Variants in MYO1E observed in about 807,000 individuals in gnomAD.
The protein encoded by MYO1E is unconventional myosin-Ie.
In MYO1E, 68 loss-of-function variants were observed where a neutral mutation model predicts 151.1. The ratio of observed to expected loss-of-function variants is 0.45; its 90% CI spans 0.37 to 0.55. The LOEUF (loss-of-function observed/expected upper bound fraction) is 0.55, where lower values mean the gene tolerates loss of function less well. Among genes scored for constraint, MYO1E ranks in the 20% least tolerant of loss-of-function variants. MYO1E has a pLI of 0.00. For synonymous variants in MYO1E, 601 were observed against 501.7 expected (o/e 1.20, Z -2.64); for missense variants, 1,363 against 1,389.3 (o/e 0.98, Z 0.30).
intron 25 of MYO1E, among the ~76,000 whole-genome samples, chr15:59,155,740 G>A (rs1319629108): frequency 1.3e-5 from 2 of 152,154 alleles, no homozygotes; most frequent in East Asian, 3.8e-4. Context: ...ACAGAGCCGG[G>A]TCAAGGCAGG....
rs573037662 is a variant in MYO1E, at chr15:59,319,763, C to T, written c.4-47314G>A. On this transcript the variant is annotated intron_variant, in intron 1 of 27. Coordinates refer to ENST00000288235, the MANE Select transcript of MYO1E (RefSeq NM_004998.4). ...TACTAAAAATAAAAAATTAGCCGGGCATGGGGGCATATGCCTGTAATCCCA... is the reference window on the plus strand; with the variant it reads ...TACTAAAAATAAAAAATTAGCCGGGTATGGGGGCATATGCCTGTAATCCCA... Among the ~76,000 whole-genome samples, 32 of 151,722 alleles carry T rather than the reference C, an allele frequency of 2.1e-4. No homozygotes were observed. In the South Asian group the frequency reaches 6.7e-3, roughly 32 times the overall value.
In MYO1E at chr15:59,283,926, ACAC is replaced by A. The variant is rs151257795; in HGVS notation, c.4-11480_4-11478del. On this transcript the variant is annotated intron_variant, in intron 1 of 27. Transcript: ENST00000288235. ...ATCAACTTCTTTCATCTGCCCAATG[ACAC>A]CACCAAGTACTTGTATTATCCTTTT... 7.4e-3 allele frequency among the ~76,000 whole-genome samples: 1,133 copies of A among 152,372 alleles called. 8 individuals are homozygous for A. The highest frequency in any genetic ancestry group is 0.026 in the African/African-American group (1,072 of 41,582).
chr15:59,189,318 C>CA (rs751706921), intron 17 of MYO1E, among the ~76,000 whole-genome samples: 3 of 152,140 alleles, frequency 2.0e-5, no homozygotes, highest in Non-Finnish European at 2.9e-5. Flanking sequence ...TTTAGCCTCC[C>CA]AAAGTTCTGG....
At chr15:59,348,406 G>A (rs1419265694) in intron 1 of MYO1E, among the ~76,000 whole-genome samples, 2 of 152,146 alleles carry the variant, frequency 1.3e-5, no homozygotes, top group Non-Finnish European at 2.9e-5. Flanking sequence ...TCAAATTATG[G>A]CATAGCCCAC....
At chr15:59,337,689 G>A (rs577680931) in intron 1 of MYO1E, among the ~76,000 whole-genome samples, 11 of 152,154 alleles carry the variant, frequency 7.2e-5, no homozygotes, top group South Asian at 2.1e-4. Context: ...AAAATTAGCC[G>A]GGCGTGGTGG....
Position 59,324,567 on chromosome 15 carries a change from G to A in MYO1E, c.3+47931C>T, listed in dbSNP as rs183869539. Among the ~76,000 whole-genome samples the A allele has an allele frequency of 2.0e-5, 3 of 152,216 alleles. No individual in the cohort carries two copies. The East Asian group carries it at 5.8e-4, about 29-fold the overall frequency. On this transcript the variant is annotated intron_variant, in intron 1 of 27. Coordinates refer to ENST00000288235, the MANE Select transcript of MYO1E (RefSeq NM_004998.4). ...AGAAGAAGCACACCTCAGAGATGCT[G>A]CCAGATAGAGCTCCTCAAGTTCAAG...
At chr15:59,237,986 G>T (rs2080077115) in intron 4 of MYO1E, among the ~76,000 whole-genome samples, 1 of 152,166 alleles carries the variant, frequency 6.6e-6, no homozygotes, top group Non-Finnish European at 1.5e-5. Flanking sequence ...ACCTGCAAAA[G>T]TCTGAACCCA....
At chr15:59,236,749 A>AACAC (rs2080069232) in intron 4 of MYO1E, 77 bp from the exon 5 acceptor site, 1 of 1,299,746 alleles carries the variant, frequency 7.7e-7, no homozygotes, top group East Asian at 2.3e-5. Flanking sequence ...CCCATCACAC[A>AACAC]AAACAAACAA....
rs753344067 is a variant in MYO1E at position 59,141,797 on chromosome 15, C to CAAA, written c.3081-3433_3081-3431dup. Among the ~76,000 whole-genome samples, 84 of 44,864 alleles carry CAAA rather than the reference C, an allele frequency of 1.9e-3. 2 individuals carry two copies. The highest frequency in any genetic ancestry group is 3.5e-3 in the African/African-American group (43 of 12,154). The allele number at this position is 44,864 out of a possible 152,430, so 29.4% of individuals were successfully genotyped here. A position where few individuals can be genotyped will look rare whatever the true frequency, so the allele number is the denominator to read the frequency against. ...TGGGCCACAGAGTAAGACTTTGTCT[C>CAAA]AAAAAAAAAAAAAAAAAAAAAGGCT... is the stretch of plus-strand genomic sequence containing the variant. On this transcript the variant is annotated intron_variant, in intron 26 of 27. Transcript: ENST00000288235.
intron 18 of MYO1E, among the ~76,000 whole-genome samples, chr15:59,182,781 T>G (rs1254521489): frequency 6.6e-6 from 1 of 152,144 alleles, no homozygotes; most frequent in African/African-American, 2.4e-5. Flanking sequence ...ATCCGGATAA[T>G]CAACAGAGTC....
chr15:59,285,231 T>G (rs2080380089), intron 1 of MYO1E, among the ~76,000 whole-genome samples: 1 of 151,978 alleles, frequency 6.6e-6, no homozygotes, highest in African/African-American at 2.4e-5. Flanking sequence ...TTTACAGTTT[T>G]AAAGCAATCT....
rs562040664 is a variant in MYO1E, at chr15:59,290,243, ACTCGGTGAAAATAT to A, written c.4-17808_4-17795del. On this transcript the variant is annotated intron_variant, in intron 1 of 27. Coordinates refer to ENST00000288235, the MANE Select transcript of MYO1E (RefSeq NM_004998.4). ...AGAAGACAGAAGAAATGGATTCCCC[ACTCGGTGAAAATAT>A]CTCACGGGAGATGTCCTCTGAGAGC... 2.6e-4 allele frequency among the ~76,000 whole-genome samples: 40 copies of A among 152,268 alleles called. No homozygotes were observed. The East Asian group carries it at 6.0e-3, about 23-fold the overall frequency.
Position 59,288,346 on chromosome 15 carries a change from C to T in MYO1E, c.4-15897G>A, listed in dbSNP as rs193281581. ...GTGTGCCACCATGTCTGGCTAATTT[C>T]TTTAGTTTTTGTAGGGATGGGGGTC... On this transcript the variant is annotated intron_variant, in intron 1 of 27. Coordinates refer to ENST00000288235, the MANE Select transcript of MYO1E (RefSeq NM_004998.4). Among the ~76,000 whole-genome samples, 319 of 152,026 alleles carry T rather than the reference C, an allele frequency of 2.1e-3. 2 individuals are homozygous for T. The highest frequency in any genetic ancestry group is 3.6e-3 in the Non-Finnish European group (244 of 67,964).
intron 1 of MYO1E, among the ~76,000 whole-genome samples, chr15:59,347,637 T>A (rs796905955): frequency 1.6e-4 from 24 of 152,122 alleles, no homozygotes; most frequent in African/African-American, 5.8e-4. Context: ...GGTTTAGGAA[T>A]AAAGAAAAGG....
In MYO1E at chr15:59,207,422, G is replaced by A. The variant is rs199958525; in HGVS notation, c.1530+1259C>T. The A allele has an allele frequency of 1.8e-4, 285 of 1,614,030 alleles. 1 individual carries two copies. The highest frequency in any genetic ancestry group is 1.3e-3 in the Admixed American group (79 of 60,020). ...GAAACGCGCCTTAATTTAGTCCAGC[G>A]AAATGTGGCCATCTTCAAGTTAATG... On this transcript the variant is annotated intron_variant, in intron 14 of 27. Coordinates refer to ENST00000288235, the MANE Select transcript of MYO1E (RefSeq NM_004998.4).
rs569331763 is a variant in MYO1E at position 59,372,740 on chromosome 15, G to T, written c.-240C>A. 2.3e-4 allele frequency: 128 copies of T among 566,300 alleles called. No homozygotes were observed. The highest frequency in any genetic ancestry group is 2.1e-3 in the African/African-American group (108 of 50,998). 35.1% of individuals were successfully genotyped at this position (566,300 alleles called of 1,614,324 possible). Reference sequence around the variant, plus strand: ...GCAGGCGGGGCGCATGCTGCGGAGGGCAAGAGTCCACTCGTACTCGCCGGT... The same window carrying T: ...GCAGGCGGGGCGCATGCTGCGGAGGTCAAGAGTCCACTCGTACTCGCCGGT... On this transcript the variant is annotated 5_prime_UTR_variant, in exon 1 of 28. Coordinates refer to ENST00000288235, the MANE Select transcript of MYO1E (RefSeq NM_004998.4).
At chr15:59,285,350 C>CTTTTTTTTT (rs368001329) in intron 1 of MYO1E, among the ~76,000 whole-genome samples, 1 of 74,092 alleles carries the variant, frequency 1.3e-5, no homozygotes, top group Non-Finnish European at 2.4e-5. Context: ...GACACTGTCT[C>CTTTTTTTTT]TTTTTTTTTT....
At chr15:59,170,187 A>C (rs983110611) in intron 22 of MYO1E, among the ~76,000 whole-genome samples, 3 of 150,454 alleles carry the variant, frequency 2.0e-5, no homozygotes, top group Non-Finnish European at 4.4e-5. Context: ...AACAAAACAA[A>C]ACAACCACAC....
intron 2 of MYO1E, among the ~76,000 whole-genome samples, chr15:59,270,005 A>G (rs1456748665): frequency 1.3e-5 from 2 of 152,204 alleles, no homozygotes; most frequent in African/African-American, 4.8e-5. Flanking sequence ...AACCCTAAAC[A>G]ATAACTAAAC....
Sources: allele counts gnomAD v4.1 joint callset (sites outside exome capture counted in the v4.1 genomes callset), GRCh38; gene constraint gnomAD v4.1.1; transcripts MANE v1.5; gene names NCBI Gene and HGNC (gene_info 2026-07-23, HGNC 2026-07-21).